NCOR1: variants seen among roughly 807,000 people sequenced by gnomAD.
NCOR1 encodes the protein nuclear receptor corepressor 1.
Under a neutral mutation model 288.1 loss-of-function variants are expected in NCOR1, and 63 were observed. That is an observed-to-expected ratio of 0.22 (90% confidence interval 0.18 to 0.27). The LOEUF is 0.27. Among genes scored for constraint, NCOR1 ranks in the 10% least tolerant of loss-of-function variants. NCOR1 has a pLI of 1.00. For synonymous variants in NCOR1, 1,007 were observed against 1,065.9 expected (o/e 0.94, Z 1.08); for missense variants, 2,397 against 3,019.2 (o/e 0.79, Z 4.83).
At chr17:16,041,575 C>T (rs1355746990) in intron 42 of NCOR1, among the ~76,000 whole-genome samples, 2 of 150,694 alleles carry the variant, frequency 1.3e-5, no homozygotes, top group African/African-American at 4.9e-5. Flanking sequence ...CCACCATGCC[C>T]AGCTAATTTT....
intron 23 of NCOR1, 112 bp from the exon 24 acceptor site, chr17:16,080,839 ACCCCTTCTACCC>A: frequency 1.0e-6 from 1 of 995,486 alleles, no homozygotes; most frequent in Non-Finnish European, 1.4e-6. Flanking sequence ...AAAAAATTAT[ACCCCTTCTACCC>A]AAAACCAAGA....
chr17:16,173,287 C>T (rs1245767641), intron 3 of NCOR1, among the ~76,000 whole-genome samples: 2 of 152,096 alleles, frequency 1.3e-5, no homozygotes, highest in Non-Finnish European at 1.5e-5. Flanking sequence ...CATAGAATTC[C>T]ATTATCTTAA....
rs1228228671 is a variant in NCOR1, at chr17:16,057,579, A to G, written c.6327T>C (p.Ser2109=). ...TTGAACCTGGTCTTTGATGATGGACAGACTGAGCCTGGGATTCTGGGCTGT... is the reference window on the plus strand; with the variant it reads ...TTGAACCTGGTCTTTGATGATGGACGGACTGAGCCTGGGATTCTGGGCTGT... ...NRYSPESQAQ[S]VHHQRPGSRV... is the part of the protein sequence containing the mutation. Residue 2109 remains serine (S), a synonymous_variant, in exon 40 of 46, where the codon TCT becomes TCC. Transcript: ENST00000268712. 1 of 1,614,078 alleles carries G rather than the reference A, an allele frequency of 6.2e-7. No homozygotes were observed.
At chr17:16,146,298 C>A (rs1185410705) in intron 10 of NCOR1, 78 bp downstream of exon 10, 12 of 1,381,538 alleles carry the variant, frequency 8.7e-6, no homozygotes, top group Non-Finnish European at 1.1e-5. Flanking sequence ...TCAATACATA[C>A]TAAAAAAATT....
Position 16,031,051 on chromosome 17 carries a change from G to A in NCOR1, c.*1245C>T, listed in dbSNP as rs1424387790. 1 of 193,788 alleles carries A rather than the reference G, an allele frequency of 5.2e-6. No individual in the cohort carries two copies. The highest frequency in any genetic ancestry group is 8.1e-5 in the East Asian group (1 of 12,338). 12.0% of individuals were successfully genotyped at this position (193,788 alleles called of 1,614,324 possible). On this transcript the variant is annotated 3_prime_UTR_variant, in exon 46 of 46. Coordinates refer to ENST00000268712, the MANE Select transcript of NCOR1 (RefSeq NM_006311.4). ...TGTATGAAAAAAACTTTAAAATTCA[G>A]CAAGCAATTCTTAATGAAAGATAAA...
chr17:16,092,973 G>A (rs1209796512), intron 21 of NCOR1, among the ~76,000 whole-genome samples: 1 of 151,618 alleles, frequency 6.6e-6, no homozygotes, highest in Non-Finnish European at 1.5e-5. Context: ...CGAAATGCTG[G>A]AATTACAGGT....
At chr17:16,160,100 G>C (rs749063304) in intron 5 of NCOR1, among the ~76,000 whole-genome samples, 1 of 152,014 alleles carries the variant, frequency 6.6e-6, no homozygotes, top group Non-Finnish European at 1.5e-5. Flanking sequence ...TCAAAGTGCC[G>C]GGATTACCGC....
chr17:16,085,773 T>C (rs2152858197), intron 23 of NCOR1, among the ~76,000 whole-genome samples: 1 of 152,296 alleles, frequency 6.6e-6, no homozygotes, highest in Middle Eastern at 3.4e-3. Flanking sequence ...TTCAATAAGT[T>C]GACAGGGGTG....
intron 42 of NCOR1, chr17:16,044,577 C>G (rs541422103): frequency 1.9e-4 from 102 of 529,448 alleles, no homozygotes; most frequent in Non-Finnish European, 3.6e-4. Flanking sequence ...CATCCGGCAA[C>G]TACCACCACG....
chr17:16,033,019 A>G (rs1414334367), intron 45 of NCOR1, among the ~76,000 whole-genome samples: 3 of 152,138 alleles, frequency 2.0e-5, no homozygotes, highest in Non-Finnish European at 4.4e-5. Context: ...TAGATGTTTA[A>G]CTGTCCCCAG....
chr17:16,215,079 G>A (rs911696862), intron 1 of NCOR1, among the ~76,000 whole-genome samples: 7 of 152,204 alleles, frequency 4.6e-5, no homozygotes, highest in Admixed American at 3.3e-4. Flanking sequence ...CCTCCGCACA[G>A]GACACCTCGG....
chr17:16,190,500 A>AT (rs762563718), intron 2 of NCOR1, among the ~76,000 whole-genome samples: 2,898 of 139,636 alleles, frequency 0.021, 30 homozygotes, highest in African/African-American at 0.026. Flanking sequence ...ACACCCAGCT[A>AT]TTTTTTTTTT....
chr17:16,129,638 A>T (rs2075295243), intron 14 of NCOR1, among the ~76,000 whole-genome samples: 1 of 152,178 alleles, frequency 6.6e-6, no homozygotes, highest in Admixed American at 6.5e-5. Flanking sequence ...AATGCTAATA[A>T]CCTAACCCTG....
At chr17:16,171,641 C>G (rs2083157292) in intron 4 of NCOR1, among the ~76,000 whole-genome samples, 162 bp downstream of exon 4, 1 of 152,168 alleles carries the variant, frequency 6.6e-6, no homozygotes, top group Admixed American at 6.6e-5. Context: ...CTGGAGCACT[C>G]ATCTGTGGTT....
chr17:16,029,689 A>C lies in NCOR1; in HGVS notation c.*2607T>G, dbSNP rs539494266. On this transcript the variant is annotated 3_prime_UTR_variant, in exon 46 of 46. Transcript: ENST00000268712. The stretch of plus-strand genomic sequence containing the variant: ...AAGTTGTCAGTGCTGCTCTGTGCTT[A>C]CCACTTAAATCATGATAAGGTGAAC... 1.3e-5 allele frequency: 2 copies of C among 154,636 alleles called. No individual in the cohort carries two copies. The highest frequency in any genetic ancestry group is 4.8e-5 in the African/African-American group (2 of 41,590). The allele number at this position is 154,636 out of a possible 1,614,324, so 9.6% of individuals were successfully genotyped here.
rs1288492360 is a variant in NCOR1, at chr17:16,087,079, T to C, written c.3017-637A>G. 6 of 934,950 alleles carry C rather than the reference T, an allele frequency of 6.4e-6. No individual in the cohort carries two copies. The Middle Eastern group carries it at 1.4e-3, about 213-fold the overall frequency. 57.9% of individuals were successfully genotyped at this position (934,950 alleles called of 1,614,324 possible). ...ATTCTGAAACAGCAAGGACACGTCC[T>C]GGAAGAGCAGTTCATTCACGAGATT... On this transcript the variant is annotated intron_variant, in intron 22 of 45. Transcript: ENST00000268712.
intron 14 of NCOR1, among the ~76,000 whole-genome samples, chr17:16,127,685 A>G (rs555239516): frequency 4.1e-5 from 6 of 145,362 alleles, no homozygotes; most frequent in African/African-American, 1.5e-4. Context: ...GTGTATGTGT[A>G]TATATACATA....
chr17:16,126,230 T>C (rs1179880921), intron 14 of NCOR1, 24 bp from the exon 15 acceptor site: 2 of 1,499,770 alleles, frequency 1.3e-6, no homozygotes, highest in Non-Finnish European at 1.8e-6. Context: ...CCATCATTTG[T>C]AAAATTCAAA....
At chr17:16,176,018 A>C (rs573483391) in intron 3 of NCOR1, among the ~76,000 whole-genome samples, 1 of 151,962 alleles carries the variant, frequency 6.6e-6, no homozygotes, top group African/African-American at 2.4e-5. Context: ...GGAGTTCGAG[A>C]CCAGCCTGGC....
Sources: gnomAD v4.1 joint callset for allele counts (sites outside exome capture counted in the v4.1 genomes callset) on GRCh38, gnomAD v4.1.1 for gene constraint, MANE v1.5 for transcripts, NCBI Gene and HGNC (gene_info 2026-07-23, HGNC 2026-07-21) for gene names.